SLF2: variants seen among roughly 807,000 people sequenced by gnomAD.
SLF2 encodes SMC5-SMC6 complex localization factor protein 2.
Under a neutral mutation model 124.3 loss-of-function variants are expected in SLF2, and 68 were observed. The observed-to-expected ratio is 0.55, with a 90% CI of 0.45 to 0.67. The LOEUF (loss-of-function observed/expected upper bound fraction) is 0.67. Among genes scored for constraint, SLF2 ranks in the 30% least tolerant of loss-of-function variants. SLF2 has a pLI of 0.00. For synonymous variants in SLF2, 480 were observed against 478.8 expected (o/e 1.00, Z -0.03); for missense variants, 1,246 against 1,373.7 (o/e 0.91, Z 1.47).
At chr10:100,948,422 G>A (rs1589963345) in intron 15 of SLF2, among the ~76,000 whole-genome samples, 1 of 152,066 alleles carries the variant, frequency 6.6e-6, no homozygotes, top group South Asian at 2.1e-4. Flanking sequence ...TTTGAATCCA[G>A]GAGTTCAAGT....
chr10:100,956,561 C>A, intron 18 of SLF2, 24 bp downstream of exon 18: 3 of 1,228,998 alleles, frequency 2.4e-6, no homozygotes, highest in Non-Finnish European at 3.3e-6. Flanking sequence ...TTCTTTTTTT[C>A]TTTTTTTTTT....
rs1329568382 is a variant in SLF2 at position 100,963,151 on chromosome 10, C to T, written c.*1239C>T. On this transcript the variant is annotated 3_prime_UTR_variant, in exon 20 of 20. Transcript: ENST00000238961. The stretch of plus-strand genomic sequence containing the variant: ...TGTTCTCCTGAGTGCTCTAGTGTCT[C>T]CAGTTGTGGGGGGGAAAGATGATGG... The T allele has an allele frequency of 3.3e-5, 5 of 152,354 alleles. No individual in the cohort carries two copies. The highest frequency in any genetic ancestry group is 2.0e-4 in the Admixed American group (3 of 15,230). 9.4% of individuals were successfully genotyped at this position (152,354 alleles called of 1,614,324 possible).
At chr10:100,934,405 CAA>C (rs1329681255) in intron 9 of SLF2, among the ~76,000 whole-genome samples, 1 of 152,076 alleles carries the variant, frequency 6.6e-6, no homozygotes, top group East Asian at 1.9e-4. Context: ...TCACCCACCG[CAA>C]AAAGATTGTT....
chr10:100,935,139 T>C (rs1849819318), intron 9 of SLF2, among the ~76,000 whole-genome samples: 2 of 152,054 alleles, frequency 1.3e-5, no homozygotes, highest in Admixed American at 1.3e-4. Flanking sequence ...CTCATGCCTG[T>C]AATCCCAGCA....
intron 18 of SLF2, among the ~76,000 whole-genome samples, chr10:100,958,165 GCCT>G (rs1023070022): frequency 5.3e-5 from 8 of 151,900 alleles, no homozygotes; most frequent in Non-Finnish European, 7.4e-5. Context: ...GATTCTTTTT[GCCT>G]CTTGTCTTTG....
At chr10:100,919,001 CTTTTTTTTTTTTTTTT>C (rs528512219) in intron 4 of SLF2, among the ~76,000 whole-genome samples, 48,040 of 106,256 alleles carry the variant, frequency 0.45, 10,029 homozygotes, top group Middle Eastern at 0.62. Flanking sequence ...GAAACATAAT[CTTTTTTTTTTTTTTTT>C]TTTTTTTTTT....
At chr10:100,954,375 G>A (rs1000675374) in intron 17 of SLF2, among the ~76,000 whole-genome samples, 3 of 152,124 alleles carry the variant, frequency 2.0e-5, no homozygotes, top group African/African-American at 7.2e-5. Context: ...ATATGAACAT[G>A]CTTATTCATA....
At chr10:100,953,430 C>G (rs1441821602) in intron 17 of SLF2, among the ~76,000 whole-genome samples, 1 of 149,670 alleles carries the variant, frequency 6.7e-6, no homozygotes, top group Non-Finnish European at 1.5e-5. Flanking sequence ...CCCAGGAGTT[C>G]AAGAGCAGCC....
At chr10:100,960,637 T>C (rs1293499855) in intron 19 of SLF2, among the ~76,000 whole-genome samples, 1 of 152,240 alleles carries the variant, frequency 6.6e-6, no homozygotes, top group Non-Finnish European at 1.5e-5. Flanking sequence ...TTTTTGAATA[T>C]AGTTATTTGT....
intron 19 of SLF2, among the ~76,000 whole-genome samples, chr10:100,961,110 C>T (rs1850420473): frequency 2.1e-5 from 3 of 141,080 alleles, no homozygotes; most frequent in Non-Finnish European, 3.0e-5. Context: ...CCTGGGTTCA[C>T]GCCATTCTCC....
intron 15 of SLF2, among the ~76,000 whole-genome samples, chr10:100,949,479 T>TA (rs1460724125): frequency 1.3e-5 from 2 of 152,186 alleles, no homozygotes; most frequent in Non-Finnish European, 2.9e-5. Flanking sequence ...AGAGTCAACT[T>TA]TGTTGACTTT....
intron 6 of SLF2, chr10:100,926,605 CA>C (rs557928971): frequency 0.015 from 2,115 of 138,878 alleles, 26 homozygotes; most frequent in African/African-American, 0.037. Context: ...GACCCCGTCT[CA>C]AAAAAAAAAA....
At chr10:100,958,321 G>A (rs558766866) in intron 18 of SLF2, among the ~76,000 whole-genome samples, 1 of 152,256 alleles carries the variant, frequency 6.6e-6, no homozygotes, top group Non-Finnish European at 1.5e-5. Flanking sequence ...ACAAAAATAA[G>A]CAACTAATGA....
intron 11 of SLF2, among the ~76,000 whole-genome samples, chr10:100,938,986 A>G (rs1160748200): frequency 6.6e-6 from 1 of 152,170 alleles, no homozygotes; most frequent in Admixed American, 6.6e-5. Context: ...GTTATTTAAC[A>G]TTGTTTTGGT....
In SLF2 at chr10:100,959,515, A is replaced by G. The variant is rs772094390; in HGVS notation, c.3486+19A>G. The stretch of plus-strand genomic sequence containing the variant: ...TACTCAGGTGTCATTTTGTTATACA[A>G]TTTCATGTATTCTTAATAGTTTTGC... On this transcript the variant is annotated intron_variant, in intron 19 of 19. Transcript: ENST00000238961. The G allele has an allele frequency of 1.6e-5, 26 of 1,611,912 alleles. No individual in the cohort carries two copies. The highest frequency in any genetic ancestry group is 2.7e-5 in the African/African-American group (2 of 74,838).
At chr10:100,942,912 G>GCCCAC (rs1554879791) in intron 11 of SLF2, among the ~76,000 whole-genome samples, 7 of 151,616 alleles carry the variant, frequency 4.6e-5, no homozygotes, top group East Asian at 1.9e-4. Flanking sequence ...TCAGGTGTGA[G>GCCCAC]CCCACCCCAC....
chr10:100,960,775 CT>C (rs1245078765), intron 19 of SLF2, among the ~76,000 whole-genome samples: 2 of 151,100 alleles, frequency 1.3e-5, no homozygotes, highest in African/African-American at 2.4e-5. Flanking sequence ...ATTTTTGACA[CT>C]TTTTTTTGAT....
At chr10:100,933,137 C>T (rs1195072889) in intron 9 of SLF2, among the ~76,000 whole-genome samples, 1 of 152,146 alleles carries the variant, frequency 6.6e-6, no homozygotes, top group African/African-American at 2.4e-5. Flanking sequence ...TACTGTTATG[C>T]CAGGGCTTCA....
At chr10:100,955,932 G>A (rs1011793682) in intron 17 of SLF2, among the ~76,000 whole-genome samples, 10 of 151,942 alleles carry the variant, frequency 6.6e-5, no homozygotes, top group Non-Finnish European at 8.8e-5. Flanking sequence ...AACTGGGCAC[G>A]GTGGTGCATG....
Sources: allele counts gnomAD v4.1 joint callset (sites outside exome capture counted in the v4.1 genomes callset), GRCh38; gene constraint gnomAD v4.1.1; transcripts MANE v1.5; gene names NCBI Gene and HGNC (gene_info 2026-07-23, HGNC 2026-07-21).